ADCY2: variants seen among roughly 807,000 people sequenced by gnomAD.
The protein encoded by ADCY2 is adenylate cyclase type 2.
Under a neutral mutation model 125.2 loss-of-function variants are expected in ADCY2, and 31 were observed. The observed-to-expected ratio is 0.25, with a 90% confidence interval of 0.19 to 0.33. The LOEUF (loss-of-function observed/expected upper bound fraction) is 0.33. Among genes scored for constraint, ADCY2 ranks in the 10% least tolerant of loss-of-function variants. The pLI, the probability that ADCY2 is intolerant of heterozygous loss-of-function variation, is 1.00. For synonymous variants in ADCY2, 512 were observed against 548.4 expected, an observed-to-expected ratio of 0.93 and a Z score of 0.93; for missense variants, 904 against 1,418.2, an observed-to-expected ratio of 0.64 and a Z score of 5.82.
chr5:7,784,283 T>C, intron 18 of ADCY2, 82 bp from the exon 19 acceptor site: 1 of 985,478 alleles, frequency 1.0e-6, no homozygotes, highest in Middle Eastern at 2.1e-4. Context: ...GAATCTGATA[T>C]TTGTTGATAT....
chr5:7,538,188 A>G (rs1357037446), intron 3 of ADCY2, among the ~76,000 whole-genome samples: 1 of 152,208 alleles, frequency 6.6e-6, no homozygotes, highest in Non-Finnish European at 1.5e-5. Flanking sequence ...CTCTCCCAGA[A>G]TAAAAATACA....
intron 3 of ADCY2, among the ~76,000 whole-genome samples, chr5:7,559,869 A>C (rs1735652939): frequency 6.6e-6 from 1 of 152,204 alleles, no homozygotes; most frequent in Admixed American, 6.5e-5. Flanking sequence ...TTTTATGAAA[A>C]TTTGGAGCAG....
At chr5:7,538,492 A>AT (rs1268326584) in intron 3 of ADCY2, among the ~76,000 whole-genome samples, 1 of 152,012 alleles carries the variant, frequency 6.6e-6, no homozygotes, top group East Asian at 1.9e-4. Context: ...TCTCTGGCTT[A>AT]TTTTTTGTTT....
intron 2 of ADCY2, among the ~76,000 whole-genome samples, chr5:7,418,970 A>G (rs1262087454): frequency 6.6e-6 from 1 of 152,058 alleles, no homozygotes; most frequent in Non-Finnish European, 1.5e-5. Flanking sequence ...CTTTTACTAC[A>G]GACTTCATAT....
intron 2 of ADCY2, among the ~76,000 whole-genome samples, chr5:7,487,882 A>G (rs571818025): frequency 1.3e-5 from 2 of 152,314 alleles, no homozygotes; most frequent in South Asian, 4.1e-4. Flanking sequence ...TGACAAGTTC[A>G]GACTGTTTAT....
chr5:7,638,737 C>T (rs79647969), intron 4 of ADCY2, among the ~76,000 whole-genome samples: 2 of 152,182 alleles, frequency 1.3e-5, no homozygotes, highest in African/African-American at 4.8e-5. Flanking sequence ...TCGTCATCTT[C>T]CTAGCTGGCC....
intron 14 of ADCY2, among the ~76,000 whole-genome samples, chr5:7,740,293 A>C (rs2126425363): frequency 6.6e-6 from 1 of 152,174 alleles, no homozygotes; most frequent in Non-Finnish European, 1.5e-5. Flanking sequence ...AGGCAACAAA[A>C]TTTTAAGTCA....
intron 4 of ADCY2, among the ~76,000 whole-genome samples, chr5:7,662,540 G>A (rs1739568592): frequency 6.6e-6 from 1 of 152,210 alleles, no homozygotes; most frequent in Admixed American, 6.5e-5. Flanking sequence ...CAGCACGGCA[G>A]CACTGCCTTC....
intron 23 of ADCY2, among the ~76,000 whole-genome samples, chr5:7,817,388 T>C (rs1745150112): frequency 1.3e-5 from 2 of 152,294 alleles, no homozygotes; most frequent in East Asian, 3.9e-4. Context: ...GATCTTAGAA[T>C]TGTTGCAATA....
rs564356942 is a variant in ADCY2 at position 7,757,760 on chromosome 5, T to A, written c.2094+174T>A. On this transcript the variant is annotated intron_variant, in intron 16 of 24. Coordinates refer to ENST00000338316, the MANE Select transcript of ADCY2 (RefSeq NM_020546.3). ...GGGCTCACAGCAGGCAGGGCGTTCT[T>A]CCCTTCTGGGACCTGTTCTGTGGAA... Among the ~76,000 whole-genome samples, 5 of 152,248 alleles carry A rather than the reference T, an allele frequency of 3.3e-5. No homozygotes were observed. In the East Asian group the frequency reaches 9.7e-4, roughly 29 times the overall value.
intron 2 of ADCY2, among the ~76,000 whole-genome samples, chr5:7,440,234 T>C (rs1398032491): frequency 2.0e-5 from 3 of 152,200 alleles, no homozygotes; most frequent in Admixed American, 2.0e-4. Context: ...ATGCATTACT[T>C]TTATATTTAT....
intron 3 of ADCY2, among the ~76,000 whole-genome samples, chr5:7,526,932 C>T (rs1734489744): frequency 7.0e-6 from 1 of 142,824 alleles, no homozygotes; most frequent in African/African-American, 2.5e-5. Flanking sequence ...CTATATGATA[C>T]ATCTAGCGTA....
chr5:7,403,738 A>G (rs1002285722), intron 1 of ADCY2, among the ~76,000 whole-genome samples: 1 of 152,122 alleles, frequency 6.6e-6, no homozygotes, highest in Non-Finnish European at 1.5e-5. Context: ...CATAAATTAT[A>G]TATATGTGTG....
intron 3 of ADCY2, among the ~76,000 whole-genome samples, chr5:7,608,433 G>A (rs1044949491): frequency 3.3e-5 from 5 of 152,132 alleles, no homozygotes; most frequent in South Asian, 2.1e-4. Flanking sequence ...AAAGTTAGCC[G>A]GGCGTGGTGG....
chr5:7,825,857 G>A (rs534822679), intron 24 of ADCY2, among the ~76,000 whole-genome samples: 1 of 152,370 alleles, frequency 6.6e-6, no homozygotes, highest in East Asian at 1.9e-4. Context: ...CAGGGAGCCA[G>A]TACTGGACAG....
intron 2 of ADCY2, among the ~76,000 whole-genome samples, chr5:7,493,787 G>A (rs1469968702): frequency 6.6e-6 from 1 of 152,144 alleles, no homozygotes; most frequent in Non-Finnish European, 1.5e-5. Flanking sequence ...TACACAAATT[G>A]TTGCTGATTC....
intron 2 of ADCY2, among the ~76,000 whole-genome samples, chr5:7,513,098 CACACACACAG>C (rs1394563083): frequency 6.9e-6 from 1 of 145,344 alleles, no homozygotes; most frequent in African/African-American, 2.5e-5. Context: ...CACACACACA[CACACACACAG>C]AGAGAGAGAG....
rs150843728 is a variant in ADCY2, at chr5:7,688,559, G to A, written c.721-2132G>A. On this transcript the variant is annotated intron_variant, in intron 4 of 24. Coordinates refer to ENST00000338316, the MANE Select transcript of ADCY2 (RefSeq NM_020546.3). ...GCTGGGACTACAGGTATCAGCTACCGTGCCTGACCAGGTCTTTGATGTTTG... is the reference window on the plus strand; with the variant it reads ...GCTGGGACTACAGGTATCAGCTACCATGCCTGACCAGGTCTTTGATGTTTG... Among the ~76,000 whole-genome samples the A allele has an allele frequency of 9.5e-3, 1,438 of 152,118 alleles. 24 individuals are homozygous for A. The highest frequency in any genetic ancestry group is 0.03 in the African/African-American group (1,263 of 41,482).
chr5:7,510,828 G>A (rs58282162), intron 2 of ADCY2, among the ~76,000 whole-genome samples: 1 of 152,220 alleles, frequency 6.6e-6, no homozygotes, highest in African/African-American at 2.4e-5. Flanking sequence ...CTTACAGTGT[G>A]TGTGTGTCTT....
Sources: allele counts gnomAD v4.1 joint callset (sites outside exome capture counted in the v4.1 genomes callset), GRCh38; gene constraint gnomAD v4.1.1; transcripts MANE v1.5; gene names NCBI Gene and HGNC (gene_info 2026-07-23, HGNC 2026-07-21).